Variants in TNFAIP8 observed in about 807,000 individuals in gnomAD.
TNFAIP8 encodes the protein TNF alpha induced protein 8.
In TNFAIP8, 7 loss-of-function variants were observed where a neutral mutation model predicts 13.3. The ratio of observed to expected loss-of-function variants is 0.52; its 90% CI spans 0.30 to 0.99. TNFAIP8 has a LOEUF of 0.99. TNFAIP8 is among the 50% of genes least tolerant of loss of function. TNFAIP8 has a pLI of 0.07. For missense variants in TNFAIP8, 258 were observed against 236.9 expected, an observed-to-expected ratio of 1.09 and a Z score of -0.58; for synonymous variants, 94 against 87.6, an observed-to-expected ratio of 1.07 and a Z score of -0.41.
At chr5:119,362,132 C>T (rs1470099452) in intron 1 of TNFAIP8, among the ~76,000 whole-genome samples, 2 of 152,170 alleles carry the variant, frequency 1.3e-5, no homozygotes, top group Non-Finnish European at 2.9e-5. Context: ...AGGGGGTATT[C>T]ACCAAAAGTC....
chr5:119,372,774 A>G (rs999623612), intron 1 of TNFAIP8, among the ~76,000 whole-genome samples: 4 of 152,196 alleles, frequency 2.6e-5, no homozygotes, highest in African/African-American at 9.7e-5. Flanking sequence ...AGACTGGTCA[A>G]CATGGTGAAA....
intron 1 of TNFAIP8, among the ~76,000 whole-genome samples, chr5:119,388,678 G>A (rs142003172): frequency 2.2e-3 from 334 of 151,786 alleles, no homozygotes; most frequent in Middle Eastern, 6.8e-3. Context: ...TTGCTGTGTC[G>A]CCCAGGCTGG....
At position 119,343,238 on chromosome 5, in the gene TNFAIP8, C is replaced by T. The variant is rs75511913; in HGVS notation, c.2-49578C>T. ...TCTACCGGGGATGTTTGCATTTGCTCGGCACTCTGTTTATAAGGATGTCGA... is the reference window on the plus strand; with the variant it reads ...TCTACCGGGGATGTTTGCATTTGCTTGGCACTCTGTTTATAAGGATGTCGA... On this transcript the variant is annotated intron_variant, in intron 1 of 1. Transcript: ENST00000274456. Among the ~76,000 whole-genome samples the T allele has an allele frequency of 4.0e-3, 610 of 152,288 alleles. 5 individuals carry two copies. In the South Asian group the frequency reaches 0.041, roughly 10 times the overall value.
chr5:119,299,386 T>G (rs1749285317), intron 1 of TNFAIP8, among the ~76,000 whole-genome samples: 1 of 152,210 alleles, frequency 6.6e-6, no homozygotes, highest in Admixed American at 6.5e-5. Context: ...AGACCCAGTT[T>G]GCCTGGGTAT....
rs574427004 is a variant in TNFAIP8, at chr5:119,324,374, AG to A, written c.1+55469del. Among the ~76,000 whole-genome samples the A allele has an allele frequency of 1.3e-4, 19 of 142,866 alleles. No homozygotes were observed. In the South Asian group the frequency reaches 4.7e-3, roughly 35 times the overall value. 93.7% of individuals were successfully genotyped at this position (142,866 alleles called of 152,430 possible). A position where few individuals can be genotyped will look rare whatever the true frequency, so the allele number is the denominator to read the frequency against. On this transcript the variant is annotated intron_variant, in intron 1 of 1. Transcript: ENST00000274456. ...CCTCGGGGCTGGGAGCTCCTGGGTG[AG>A]GTTTCTAAGTCTCCATCCTCTCAGA...
chr5:119,277,224 G>A lies in TNFAIP8; in HGVS notation c.1+8317G>A, dbSNP rs190915220. 4.7e-4 allele frequency among the ~76,000 whole-genome samples: 71 copies of A among 152,204 alleles called. 1 individual carries two copies. The highest frequency in any genetic ancestry group is 3.4e-3 in the Middle Eastern group (1 of 294). On this transcript the variant is annotated intron_variant, in intron 1 of 1. Coordinates refer to the TNFAIP8 transcript ENST00000274456. ...GGGGGACTACTGAGGAGACCACACCGTTTGTGTTGTGATTGTCATATGGTT... is the reference window on the plus strand; with the variant it reads ...GGGGGACTACTGAGGAGACCACACCATTTGTGTTGTGATTGTCATATGGTT...
At chr5:119,301,770 C>G (rs1460606536) in intron 1 of TNFAIP8, among the ~76,000 whole-genome samples, 3 of 152,154 alleles carry the variant, frequency 2.0e-5, no homozygotes, top group African/African-American at 7.2e-5. Context: ...AGTATTAAGG[C>G]ACATATTTGT....
At chr5:119,309,402 G>T (rs577229263) in intron 1 of TNFAIP8, among the ~76,000 whole-genome samples, 2 of 152,136 alleles carry the variant, frequency 1.3e-5, no homozygotes, top group African/African-American at 2.4e-5. Context: ...TTGGTTTCTG[G>T]ACCCTTTTGA....
chr5:119,380,027 A>G (rs1311782152), intron 1 of TNFAIP8, among the ~76,000 whole-genome samples: 2 of 152,170 alleles, frequency 1.3e-5, no homozygotes, highest in African/African-American at 4.8e-5. Flanking sequence ...CATTATCCTA[A>G]TTTCACTTTT....
chr5:119,377,489 G>A (rs890362907), intron 1 of TNFAIP8, among the ~76,000 whole-genome samples: 2 of 152,134 alleles, frequency 1.3e-5, no homozygotes, highest in African/African-American at 2.4e-5. Flanking sequence ...TAAGGCTCTT[G>A]ACTGTGTAGA....
intron 1 of TNFAIP8, among the ~76,000 whole-genome samples, chr5:119,388,156 C>G (rs1007819703): frequency 3.9e-5 from 6 of 152,198 alleles, no homozygotes; most frequent in Non-Finnish European, 8.8e-5. Context: ...TGCTTTTACT[C>G]TAAATATTTG....
intron 1 of TNFAIP8, among the ~76,000 whole-genome samples, chr5:119,296,658 A>T (rs1165678203): frequency 6.6e-6 from 1 of 152,074 alleles, no homozygotes; most frequent in African/African-American, 2.4e-5. Flanking sequence ...ATTAGGGAGG[A>T]TTCCCTCTTT....
chr5:119,318,484 C>T lies in TNFAIP8; in HGVS notation c.1+49577C>T, dbSNP rs145765805. On this transcript the variant is annotated intron_variant, in intron 1 of 1. Transcript: ENST00000274456. The stretch of plus-strand genomic sequence containing the variant: ...TTTTTATTTTTTATTTTTGTAGAGA[C>T]GGGGTTCCCCTATGTTGCCCAGGCT... Among the ~76,000 whole-genome samples the T allele has an allele frequency of 2.8e-3, 419 of 151,812 alleles. 2 individuals are homozygous for T. Among genetic ancestry groups the T allele is most frequent in the African/African-American group, 9.7e-3 (400 of 41,400 alleles).
At chr5:119,379,188 C>G (rs1211652525) in intron 1 of TNFAIP8, among the ~76,000 whole-genome samples, 1 of 152,158 alleles carries the variant, frequency 6.6e-6, no homozygotes, top group Non-Finnish European at 1.5e-5. Context: ...TCCTGATACA[C>G]CTTCATGAAT....
chr5:119,300,869 G>A (rs1749368833), intron 1 of TNFAIP8, among the ~76,000 whole-genome samples: 1 of 152,200 alleles, frequency 6.6e-6, no homozygotes, highest in African/African-American at 2.4e-5. Context: ...TGAGGTAGGT[G>A]AGAAAGAGGA....
At chr5:119,332,353 C>T (rs1750409635) in intron 1 of TNFAIP8, among the ~76,000 whole-genome samples, 1 of 152,008 alleles carries the variant, frequency 6.6e-6, no homozygotes, top group Non-Finnish European at 1.5e-5. Context: ...TACGGAAGTG[C>T]AAAATTATTC....
chr5:119,376,497 A>G lies in TNFAIP8; in HGVS notation c.32-16319A>G, dbSNP rs185418888. Among the ~76,000 whole-genome samples, 540 of 152,282 alleles carry G rather than the reference A, an allele frequency of 3.5e-3. 4 individuals are homozygous for G. The highest frequency in any genetic ancestry group is 0.024 in the Middle Eastern group (7 of 294). On this transcript the variant is annotated intron_variant, in intron 1 of 1. Transcript: ENST00000504771. ...GAGTATTTGAAATATAATTAAATCT[A>G]ATGTTATTTATTTGTAGCCTCTTAT... is the stretch of plus-strand genomic sequence containing the variant.
At chr5:119,268,961 G>C in intron 1 of TNFAIP8, 1 of 672,126 alleles carries the variant, frequency 1.5e-6, no homozygotes, top group Admixed American at 2.2e-5. Context: ...CGCCTCTCCC[G>C]CCGCTGGGCT....
intron 1 of TNFAIP8, among the ~76,000 whole-genome samples, chr5:119,374,960 G>A (rs1752228215): frequency 6.6e-6 from 1 of 152,064 alleles, no homozygotes. Flanking sequence ...GTTAGATAGT[G>A]GTAATAGTTG....
Sources: allele counts gnomAD v4.1 joint callset (sites outside exome capture counted in the v4.1 genomes callset), GRCh38; gene constraint gnomAD v4.1.1; transcripts MANE v1.5; gene names NCBI Gene and HGNC (gene_info 2026-07-23, HGNC 2026-07-21).